Variants in EVA1A observed in about 807,000 individuals in gnomAD.
EVA1A encodes the protein eva-1 homolog A, regulator of programmed cell death.
Under a neutral mutation model 9.8 loss-of-function variants are expected in EVA1A, and 7 were observed. That is an observed-to-expected ratio of 0.71 (90% CI 0.41 to 1.34). The LOEUF is 1.34. Among genes scored for constraint, EVA1A ranks in the 40% most tolerant of loss-of-function variants. The pLI, the probability that EVA1A is intolerant of heterozygous loss-of-function variation, is 0.01. For synonymous variants in EVA1A, 90 were observed against 85.6 expected (o/e 1.05, Z -0.28); for missense variants, 206 against 205.9 (o/e 1.00, Z 0.00).
intron 1 of EVA1A, among the ~76,000 whole-genome samples, chr2:75,551,159 AC>A (rs997579748): frequency 4.3e-4 from 65 of 152,234 alleles, no homozygotes; most frequent in East Asian, 2.9e-3. Flanking sequence ...ACCAAAAAAA[AC>A]GTGCTGGTCT....
chr2:75,531,931 G>A (rs927559699), intron 1 of EVA1A, among the ~76,000 whole-genome samples: 1 of 152,054 alleles, frequency 6.6e-6, no homozygotes, highest in South Asian at 2.1e-4. Flanking sequence ...AGGCCAAGGC[G>A]GGCAGATCAC....
chr2:75,544,749 T>C (rs1676267688), intron 1 of EVA1A, among the ~76,000 whole-genome samples: 1 of 152,244 alleles, frequency 6.6e-6, no homozygotes, highest in Non-Finnish European at 1.5e-5. Context: ...AGACCTCTTA[T>C]AATTAAACAA....
chr2:75,513,603 A>T lies in EVA1A; in HGVS notation c.85+4453T>A, dbSNP rs552470211. ...TGCACTCCATACTCATTGTAGCCCT[A>T]TTCATAATAGTCAAGAAATGCAGAC... On this transcript the variant is annotated intron_variant, in intron 3 of 3. Coordinates refer to ENST00000393913, the MANE Select transcript of EVA1A (RefSeq NM_001135032.2). 2.0e-5 allele frequency among the ~76,000 whole-genome samples: 3 copies of T among 152,338 alleles called. No individual in the cohort carries two copies. The South Asian group carries it at 6.2e-4, about 32-fold the overall frequency.
intron 1 of EVA1A, among the ~76,000 whole-genome samples, chr2:75,560,178 T>A (rs1676873283): frequency 6.6e-6 from 1 of 151,900 alleles, no homozygotes; most frequent in African/African-American, 2.4e-5. Flanking sequence ...CCTGATGCAC[T>A]CGGCTTTCGG....
At chr2:75,546,851 GAC>G (rs1572987009) in intron 1 of EVA1A, among the ~76,000 whole-genome samples, 1 of 137,582 alleles carries the variant, frequency 7.3e-6, no homozygotes, top group African/African-American at 2.8e-5. Context: ...TTTGGACACA[GAC>G]ACACACACAG....
rs1033120447 is a variant in EVA1A, at chr2:75,518,720, C to G, written c.-68-512G>C. ...ATCGGGTTCAAATCATCGTCACATT[C>G]ATCACTGCGTTTTAACTACAAGCCA... On this transcript the variant is annotated intron_variant, in intron 2 of 3. Transcript: ENST00000393913. 1.4e-5 allele frequency: 14 copies of G among 987,006 alleles called. No homozygotes were observed. The African/African-American group carries it at 2.1e-4, about 15-fold the overall frequency. 61.1% of individuals were successfully genotyped at this position (987,006 alleles called of 1,614,324 possible).
At chr2:75,564,967 G>A (rs1475217636), upstream of EVA1A, among the ~76,000 whole-genome samples, 2 of 152,222 alleles carry the variant, frequency 1.3e-5, no homozygotes, top group East Asian at 1.9e-4. Context: ...GAGTGAAGGT[G>A]AAACCCTTAG....
At chr2:75,500,331 G>A (rs926869368) in intron 3 of EVA1A, among the ~76,000 whole-genome samples, 7 of 152,112 alleles carry the variant, frequency 4.6e-5, no homozygotes, top group Non-Finnish European at 1.0e-4. Flanking sequence ...TTTGGCATAC[G>A]ATGAAAACTT....
intron 1 of EVA1A, chr2:75,558,772 T>C (rs1676814155): frequency 6.6e-6 from 1 of 152,232 alleles, no homozygotes; most frequent in Non-Finnish European, 1.5e-5. Flanking sequence ...GTGAGGCCAG[T>C]TGTGAAGAGC....
At chr2:75,525,577 T>C (rs1263082262) in intron 1 of EVA1A, among the ~76,000 whole-genome samples, 2 of 152,218 alleles carry the variant, frequency 1.3e-5, no homozygotes, top group Non-Finnish European at 2.9e-5. Context: ...GCATTTGTGG[T>C]AGCTAACACA....
chr2:75,521,136 C>A (rs559120550), intron 2 of EVA1A, among the ~76,000 whole-genome samples: 1 of 152,210 alleles, frequency 6.6e-6, no homozygotes, highest in African/African-American at 2.4e-5. Context: ...TTAATGAAAT[C>A]AAAATCAAAA....
chr2:75,519,953 T>C (rs1375086981), intron 2 of EVA1A, among the ~76,000 whole-genome samples: 1 of 152,178 alleles, frequency 6.6e-6, no homozygotes, highest in Non-Finnish European at 1.5e-5. Flanking sequence ...ATTAACAGGG[T>C]CATTTTTCTA....
At chr2:75,553,213 T>C (rs1231148670) in intron 1 of EVA1A, among the ~76,000 whole-genome samples, 6 of 152,210 alleles carry the variant, frequency 3.9e-5, no homozygotes, top group Admixed American at 2.6e-4. Context: ...CTTTGATGCA[T>C]GTTGTCTTGG....
chr2:75,531,634 C>G (rs1287965319), intron 1 of EVA1A, among the ~76,000 whole-genome samples: 1 of 151,886 alleles, frequency 6.6e-6, no homozygotes, highest in East Asian at 1.9e-4. Flanking sequence ...AGTTGGAGAC[C>G]ATTATTCTAA....
intron 1 of EVA1A, among the ~76,000 whole-genome samples, chr2:75,555,308 T>C (rs1409208172): frequency 7.1e-6 from 1 of 140,568 alleles, no homozygotes; most frequent in Admixed American, 7.5e-5. Context: ...TCAATCTCTC[T>C]CTCTCTCTCT....
intron 1 of EVA1A, among the ~76,000 whole-genome samples, chr2:75,531,323 C>T (rs1171082622): frequency 1.3e-5 from 2 of 152,170 alleles, no homozygotes; most frequent in African/African-American, 2.4e-5. Flanking sequence ...ACCAGTACGA[C>T]CACTATACGA....
At chr2:75,551,480 C>CATTT in intron 1 of EVA1A, among the ~76,000 whole-genome samples, 1 of 152,322 alleles carries the variant, frequency 6.6e-6, no homozygotes, top group East Asian at 1.9e-4. Flanking sequence ...CCCAGTCTCC[C>CATTT]ATTTCCTCCT....
At chr2:75,536,398 A>G (rs1173151448) in intron 1 of EVA1A, among the ~76,000 whole-genome samples, 1 of 152,228 alleles carries the variant, frequency 6.6e-6, no homozygotes, top group Non-Finnish European at 1.5e-5. Flanking sequence ...CAATATTGTC[A>G]GGTTTAAAGA....
intron 3 of EVA1A, among the ~76,000 whole-genome samples, chr2:75,503,872 C>CT (rs1674517954): frequency 1.3e-5 from 2 of 152,008 alleles, no homozygotes; most frequent in Admixed American, 6.5e-5. Flanking sequence ...AGCAGGGTGA[C>CT]TATAGTTAAT....
Sources: gnomAD v4.1 joint callset for allele counts (sites outside exome capture counted in the v4.1 genomes callset) on GRCh38, gnomAD v4.1.1 for gene constraint, MANE v1.5 for transcripts, NCBI Gene and HGNC (gene_info 2026-07-23, HGNC 2026-07-21) for gene names.